Variants in DACH2 observed in about 807,000 individuals in gnomAD.
DACH2 encodes dachshund family transcription factor 2.
DACH2 carries 17 observed loss-of-function variants against 35.8 expected under a neutral mutation model. That is an observed-to-expected ratio of 0.48 (90% CI 0.33 to 0.71). The LOEUF (loss-of-function observed/expected upper bound fraction) is 0.71. Among genes scored for constraint, DACH2 ranks in the 30% least tolerant of loss-of-function variants. The pLI is 0.02. For synonymous variants in DACH2, 195 were observed against 177.3 expected, an observed-to-expected ratio of 1.10 and a Z score of -0.79; for missense variants, 469 against 472.7, an observed-to-expected ratio of 0.99 and a Z score of 0.07.
intron 1 of DACH2, among the ~76,000 whole-genome samples, chrX:86,292,711 T>C (rs1250652448): frequency 8.9e-6 from 1 of 111,848 alleles, no homozygotes; most frequent in African/African-American, 3.3e-5. Context: ...AGCAGGTTGT[T>C]CTGTTTCCAT....
chrX:86,197,941 CA>C (rs2147898769), intron 1 of DACH2, among the ~76,000 whole-genome samples: 1 of 111,903 alleles, frequency 8.9e-6, no homozygotes, highest in African/African-American at 3.2e-5. Flanking sequence ...ACTCACCACC[CA>C]AAGACAACAG....
At chrX:86,466,154 C>T (rs941799006) in intron 2 of DACH2, among the ~76,000 whole-genome samples, 2 of 111,424 alleles carry the variant, frequency 1.8e-5, no homozygotes, top group African/African-American at 6.5e-5. Context: ...TACATGGTGG[C>T]AGCAAGAGAA....
chrX:86,177,516 G>A (rs2031340934), intron 1 of DACH2, among the ~76,000 whole-genome samples: 1 of 111,731 alleles, frequency 9.0e-6, no homozygotes, highest in Non-Finnish European at 1.9e-5. Context: ...TGAAATCATT[G>A]CAGAGCAAAG....
intron 1 of DACH2, among the ~76,000 whole-genome samples, chrX:86,182,661 C>A (rs1276217004): frequency 1.8e-5 from 2 of 111,664 alleles, no homozygotes; most frequent in Non-Finnish European, 3.8e-5. Flanking sequence ...GCTATACGGG[C>A]TCATTTTTGG....
intron 6 of DACH2, among the ~76,000 whole-genome samples, chrX:86,738,590 C>A (rs1471536438): frequency 9.0e-6 from 1 of 111,177 alleles, no homozygotes; most frequent in Admixed American, 9.6e-5. Flanking sequence ...AGTGCATAAA[C>A]CCTGCAATTT....
intron 3 of DACH2, among the ~76,000 whole-genome samples, chrX:86,519,878 TTG>T (rs2038527513): frequency 1.8e-5 from 2 of 110,872 alleles, no homozygotes; most frequent in Admixed American, 1.9e-4. Flanking sequence ...ATTTTTGTTG[TTG>T]TTGTTGTTGT....
At chrX:86,228,928 T>C (rs2032887399) in intron 1 of DACH2, among the ~76,000 whole-genome samples, 1 of 112,133 alleles carries the variant, frequency 8.9e-6, no homozygotes, top group African/African-American at 3.2e-5. Context: ...CTGTACACTC[T>C]GTTGACTGTT....
At chrX:86,608,684 C>T (rs1320775080) in intron 3 of DACH2, among the ~76,000 whole-genome samples, 1 of 111,455 alleles carries the variant, frequency 9.0e-6, no homozygotes, top group East Asian at 2.8e-4. Flanking sequence ...ATTATTTCTC[C>T]TTCATGTTTA....
At chrX:86,651,533 T>C (rs2040478300) in intron 4 of DACH2, among the ~76,000 whole-genome samples, 1 of 111,749 alleles carries the variant, frequency 8.9e-6, no homozygotes, top group African/African-American at 3.3e-5. Flanking sequence ...ATGCTGACAG[T>C]CCAGGTTGGC....
At chrX:86,450,816 G>T (rs1447672004) in intron 2 of DACH2, among the ~76,000 whole-genome samples, 1 of 109,565 alleles carries the variant, frequency 9.1e-6, no homozygotes, top group African/African-American at 3.3e-5. Flanking sequence ...TTTCTCTATT[G>T]ATCAGAGACG....
chrX:86,311,566 GGTGGAA>G (rs1257717818), intron 1 of DACH2, among the ~76,000 whole-genome samples: 17 of 110,973 alleles, frequency 1.5e-4, no homozygotes, highest in Admixed American at 2.9e-4. Context: ...GGAATCAAGG[GGTGGAA>G]GTGGAAGTGG....
At chrX:86,285,058 T>G (rs2034117059) in intron 1 of DACH2, among the ~76,000 whole-genome samples, 1 of 112,100 alleles carries the variant, frequency 8.9e-6, no homozygotes, top group Admixed American at 9.5e-5. Flanking sequence ...TTTTTATTTA[T>G]TTGAATCTTC....
At chrX:86,524,573 T>A (rs771802113) in intron 3 of DACH2, among the ~76,000 whole-genome samples, 1 of 112,364 alleles carries the variant, frequency 8.9e-6, no homozygotes, top group Non-Finnish European at 1.9e-5. Flanking sequence ...AGAAAAAGCT[T>A]AAACACATCA....
chrX:86,304,819 CAG>C (rs1176552259), intron 1 of DACH2: 62 of 150,534 alleles, frequency 4.1e-4, no homozygotes, highest in African/African-American at 1.8e-3. Flanking sequence ...CCCAGAGGCA[CAG>C]AGAAGACCAA....
chrX:86,716,456 C>A (rs1157932234), intron 6 of DACH2, among the ~76,000 whole-genome samples: 1 of 111,449 alleles, frequency 9.0e-6, no homozygotes, highest in African/African-American at 3.3e-5. Context: ...GCTGCTTAGG[C>A]GCCTAAGGAG....
intron 4 of DACH2, among the ~76,000 whole-genome samples, chrX:86,672,431 C>T (rs183565399): frequency 9.0e-5 from 10 of 111,250 alleles, no homozygotes; most frequent in African/African-American, 2.9e-4. Flanking sequence ...GGCCTGTGGG[C>T]TGAGGAGGGA....
At chrX:86,474,953 CA>C (rs2037819633) in intron 2 of DACH2, among the ~76,000 whole-genome samples, 1 of 111,174 alleles carries the variant, frequency 9.0e-6, no homozygotes, top group African/African-American at 3.3e-5. Flanking sequence ...AGGCTGGTCT[CA>C]AACTCCTGAC....
intron 1 of DACH2, among the ~76,000 whole-genome samples, chrX:86,181,515 T>C (rs1422709891): frequency 4.5e-5 from 5 of 111,638 alleles, no homozygotes; most frequent in African/African-American, 1.6e-4. Context: ...GGACGTGAAC[T>C]CATCCTTTTT....
At chrX:86,414,580 G>A (rs949818074) in intron 2 of DACH2, among the ~76,000 whole-genome samples, 10 of 111,071 alleles carry the variant, frequency 9.0e-5, no homozygotes, top group Non-Finnish European at 1.9e-4. Flanking sequence ...ATTTCACAAG[G>A]CATTGGTCAA....
Sources: allele counts gnomAD v4.1 joint callset (sites outside exome capture counted in the v4.1 genomes callset), GRCh38; gene constraint gnomAD v4.1.1; transcripts MANE v1.5; gene names NCBI Gene and HGNC (gene_info 2026-07-23, HGNC 2026-07-21).